Variants in ZFR observed in about 807,000 individuals in gnomAD.
The protein encoded by ZFR is zinc finger RNA-binding protein.
Under a neutral mutation model 130.7 loss-of-function variants are expected in ZFR, and 19 were observed. The observed-to-expected ratio is 0.15, with a 90% CI of 0.10 to 0.21. The LOEUF (loss-of-function observed/expected upper bound fraction) is 0.21, where lower values mean the gene tolerates loss of function less well. Among genes scored for constraint, ZFR ranks in the 10% least tolerant of loss-of-function variants. The pLI is 1.00. For missense variants in ZFR, 872 were observed against 1,321.5 expected (o/e 0.66, Z 5.27); for synonymous variants, 466 against 456.9 (o/e 1.02, Z -0.25).
intron 1 of ZFR, 119 bp downstream of exon 1, chr5:32,444,503 C>T: frequency 3.0e-6 from 4 of 1,325,088 alleles, no homozygotes; most frequent in Non-Finnish European, 3.9e-6. Flanking sequence ...CACTCACTCG[C>T]ACGCCCGGGT....
At chr5:32,433,955 C>T (rs1446264830) in intron 2 of ZFR, among the ~76,000 whole-genome samples, 2 of 152,134 alleles carry the variant, frequency 1.3e-5, no homozygotes, top group African/African-American at 2.4e-5. Flanking sequence ...TGCCTGTAGT[C>T]CCACTTAGGA....
chr5:32,401,410 A>G (rs1753445849), intron 8 of ZFR, among the ~76,000 whole-genome samples: 1 of 152,230 alleles, frequency 6.6e-6, no homozygotes, highest in African/African-American at 2.4e-5. Context: ...CCAGTAAGGA[A>G]AGGTTTCACA....
At chr5:32,412,157 G>A (rs1262573077) in intron 5 of ZFR, among the ~76,000 whole-genome samples, 2 of 152,088 alleles carry the variant, frequency 1.3e-5, no homozygotes, top group Non-Finnish European at 1.5e-5. Flanking sequence ...CATTATAAAG[G>A]AAAAAGGTAT....
intron 5 of ZFR, among the ~76,000 whole-genome samples, chr5:32,409,867 G>T (rs1047490957): frequency 6.6e-6 from 1 of 151,888 alleles, no homozygotes; most frequent in African/African-American, 2.4e-5. Flanking sequence ...AGCCAAGCGT[G>T]GTGGTGTGCC....
chr5:32,389,205 T>C (rs1193972642), intron 12 of ZFR, among the ~76,000 whole-genome samples: 1 of 152,202 alleles, frequency 6.6e-6, no homozygotes, highest in Non-Finnish European at 1.5e-5. Context: ...ACATCAACTC[T>C]GGGGCTTATC....
At chr5:32,409,622 T>C (rs578245372) in intron 5 of ZFR, among the ~76,000 whole-genome samples, 3 of 152,226 alleles carry the variant, frequency 2.0e-5, no homozygotes, top group Non-Finnish European at 2.9e-5. Flanking sequence ...GCCAGGGTGG[T>C]CTGAAACTCC....
At chr5:32,390,522 A>C in intron 11 of ZFR, 85 bp from the exon 12 acceptor site, 1 of 1,335,434 alleles carries the variant, frequency 7.5e-7, no homozygotes. Context: ...AAAAGCAATA[A>C]AAAACCCCAC....
At position 32,444,709 on chromosome 5, in the gene ZFR, C is replaced by T. The variant is rs1469155042; in HGVS notation, c.-51G>A. 6 of 1,499,018 alleles carry T rather than the reference C, an allele frequency of 4.0e-6. No individual in the cohort carries two copies. The Admixed American group carries it at 7.1e-5, about 18-fold the overall frequency. The allele number at this position is 1,499,018 out of a possible 1,614,324, so 92.9% of individuals were successfully genotyped here. A position where few individuals can be genotyped will look rare whatever the true frequency, so the allele number is the denominator to read the frequency against. On this transcript the variant is annotated 5_prime_UTR_variant, in exon 1 of 20. Coordinates refer to ENST00000265069, the MANE Select transcript of ZFR (RefSeq NM_016107.5). ...CTGAACTCTCACCCGCTGCCTCCCT[C>T]CTCTGCCCCGCTCCTCCTCAGCGGA...
In ZFR at chr5:32,407,030, TAAAAATC is replaced by T; in HGVS notation, c.785-16_785-10del. 6.9e-7 allele frequency: 1 copy of T among 1,459,422 alleles called. No homozygotes were observed. Among genetic ancestry groups the T allele is most frequent in the Non-Finnish European group, 9.1e-7 (1 of 1,104,434 alleles). The allele number at this position is 1,459,422 out of a possible 1,614,324, so 90.4% of individuals were successfully genotyped here. On this transcript the variant is annotated splice_polypyrimidine_tract_variant and intron_variant, in intron 5 of 19. Transcript: ENST00000265069. ...ACCTGAATAAGACGTACCTTACAAA[TAAAAATC>T]AAACAAAAATTATGTTACATACTTA...
rs1379045421 is a variant in ZFR at position 32,421,768 on chromosome 5, A to G, written c.138-1665T>C. Among the ~76,000 whole-genome samples, 3 of 152,172 alleles carry G rather than the reference A, an allele frequency of 2.0e-5. No individual in the cohort carries two copies. The East Asian group carries it at 5.8e-4, about 29-fold the overall frequency. On this transcript the variant is annotated intron_variant, in intron 2 of 19. Coordinates refer to ENST00000265069, the MANE Select transcript of ZFR (RefSeq NM_016107.5). ...AACAGAGTCCAAAGAAACTCATAGA[A>G]TTTCTATCTGGATGAGGTTTCCATA... is the stretch of plus-strand genomic sequence containing the variant.
intron 17 of ZFR, among the ~76,000 whole-genome samples, chr5:32,369,857 T>G (rs923761449): frequency 6.6e-6 from 1 of 152,034 alleles, no homozygotes; most frequent in Admixed American, 6.6e-5. Context: ...TTCAGCAGCA[T>G]TATTATACTA....
chr5:32,429,772 A>C (rs1392367349), intron 2 of ZFR, among the ~76,000 whole-genome samples: 1 of 152,138 alleles, frequency 6.6e-6, no homozygotes, highest in African/African-American at 2.4e-5. Context: ...AACCTCAATC[A>C]AAAAAATCTT....
Position 32,395,919 on chromosome 5 carries a change from T to C in ZFR, c.1834-615A>G, listed in dbSNP as rs189828132. ...TATCAGTAAGGCTTCTGGTCATTAG[T>C]AGGCTTTTAGAAGTTTTTAGGGAGT... On this transcript the variant is annotated intron_variant, in intron 10 of 19. Transcript: ENST00000265069. Among the ~76,000 whole-genome samples the C allele has an allele frequency of 9.8e-5, 15 of 152,322 alleles. 1 individual carries two copies. The South Asian group carries it at 1.4e-3, about 15-fold the overall frequency.
intron 15 of ZFR, 155 bp from the exon 16 acceptor site, chr5:32,380,327 T>G: frequency 1.9e-6 from 1 of 515,678 alleles, no homozygotes; most frequent in Admixed American, 3.1e-5. Context: ...TAAATTTACA[T>G]AATCCAATAT....
At chr5:32,397,465 T>C (rs957472170) in intron 9 of ZFR, 127 bp from the exon 10 acceptor site, 4 of 1,243,360 alleles carry the variant, frequency 3.2e-6, no homozygotes, top group South Asian at 1.6e-5. Flanking sequence ...ACATTTTTTT[T>C]TTCCCCAGGA....
intron 12 of ZFR, 71 bp from the exon 13 acceptor site, chr5:32,388,745 A>G: frequency 2.3e-6 from 3 of 1,313,488 alleles, no homozygotes. Context: ...TTTTTCAACT[A>G]TACATATTTG....
intron 17 of ZFR, among the ~76,000 whole-genome samples, chr5:32,377,987 G>A (rs781125721): frequency 1.3e-5 from 2 of 152,162 alleles, no homozygotes; most frequent in Non-Finnish European, 2.9e-5. Context: ...CACTGTGCTT[G>A]GCGAATACCA....
At chr5:32,422,388 A>G (rs16889727) in intron 2 of ZFR, among the ~76,000 whole-genome samples, 1,537 of 152,274 alleles carry the variant, frequency 0.01, 60 homozygotes, top group East Asian at 0.072. Flanking sequence ...GAAATATGAA[A>G]AAGATGCCAG....
chr5:32,444,243 A>AGCC lies in ZFR; in HGVS notation c.120_122dup (p.Ala43dup), dbSNP rs772338532. ...GATGCCGTTACCTATATTGGGCCGC[A>AGCC]GCCGCCGCCGCCGCCGCCCCGCTGT... On this transcript the variant is annotated inframe_insertion, in exon 2 of 20. Transcript: ENST00000265069. 175 of 1,582,960 alleles carry AGCC rather than the reference A, an allele frequency of 1.1e-4. 1 individual carries two copies. The highest frequency in any genetic ancestry group is 1.0e-3 in the Middle Eastern group (6 of 5,990).
Sources: gnomAD v4.1 joint callset for allele counts (sites outside exome capture counted in the v4.1 genomes callset) on GRCh38, gnomAD v4.1.1 for gene constraint, MANE v1.5 for transcripts, NCBI Gene and HGNC (gene_info 2026-07-23, HGNC 2026-07-21) for gene names.